The following CCDC92 variants were observed in gnomAD, a reference collection of about 807,000 sequenced individuals.
The protein encoded by CCDC92 is coiled-coil domain-containing protein 92.
Under a neutral mutation model 24.9 loss-of-function variants are expected in CCDC92, and 12 were observed. The ratio of observed to expected loss-of-function variants is 0.48; its 90% CI spans 0.31 to 0.78. The LOEUF is 0.78. Among genes scored for constraint, CCDC92 ranks in the 30% least tolerant of loss-of-function variants. CCDC92 has a pLI of 0.05. For missense variants in CCDC92, 399 were observed against 439.4 expected, an observed-to-expected ratio of 0.91 and a Z score of 0.82; for synonymous variants, 193 against 196.3, an observed-to-expected ratio of 0.98 and a Z score of 0.14.
chr12:123,943,277 C>A (rs1955743785), intron 3 of CCDC92, 70 bp downstream of exon 3: 3 of 1,551,334 alleles, frequency 1.9e-6, no homozygotes, highest in South Asian at 1.1e-5. Flanking sequence ...AGGCCTAGCA[C>A]ATTCTGACGC....
chr12:123,948,535 A>C (rs1264465502), intron 1 of CCDC92, among the ~76,000 whole-genome samples: 1 of 152,208 alleles, frequency 6.6e-6, no homozygotes, highest in Non-Finnish European at 1.5e-5. Context: ...TAACGCGCAG[A>C]GCTCCACAGT....
chr12:123,967,356 G>A (rs1956418029), intron 1 of CCDC92, among the ~76,000 whole-genome samples: 1 of 152,018 alleles, frequency 6.6e-6, no homozygotes, highest in Admixed American at 6.5e-5. Context: ...CTTATCTATG[G>A]GAACACAAAA....
At chr12:123,969,133 C>T (rs1327122319) in intron 1 of CCDC92, among the ~76,000 whole-genome samples, 2 of 152,156 alleles carry the variant, frequency 1.3e-5, no homozygotes, top group Admixed American at 6.5e-5. Context: ...ATAGATAAAT[C>T]CTTATTCCCA....
chr12:123,940,594 G>C (rs997143394), intron 4 of CCDC92, among the ~76,000 whole-genome samples: 1 of 152,166 alleles, frequency 6.6e-6, no homozygotes, highest in Non-Finnish European at 1.5e-5. Flanking sequence ...TTTATAGAAA[G>C]CTCCACTCCA....
intron 4 of CCDC92, among the ~76,000 whole-genome samples, chr12:123,941,291 G>C (rs1330305055): frequency 1.3e-5 from 2 of 152,150 alleles, no homozygotes; most frequent in East Asian, 3.9e-4. Context: ...GGAGGTCCCT[G>C]GTATCCCTCC....
At chr12:123,960,784 A>G (rs984851885) in intron 1 of CCDC92, 2 of 152,244 alleles carry the variant, frequency 1.3e-5, no homozygotes, top group Admixed American at 6.5e-5. Context: ...TAGAACTGCC[A>G]AATTTAAAAG....
At position 123,937,502 on chromosome 12, in the gene CCDC92, G is replaced by A. The variant is rs370137076; in HGVS notation, c.552C>T (p.Pro184=). Residue 184 remains proline (P), a synonymous_variant, in exon 5 of 5, where the codon CCC becomes CCT. Coordinates refer to ENST00000238156, the MANE Select transcript of CCDC92 (RefSeq NM_025140.3). This position sits in a 1 kb window ranked among gnomAD's most constrained non-coding sequence, Gnocchi z 8.4. ...GCGCTGGCTTGTAGCTGGCCAGCAC[G>A]GGGCTCCCTGACGGGCTGGCATCTG... ...GTSDASPSGS[P]VLASYKPAPP... The A allele has an allele frequency of 1.6e-5, 26 of 1,612,402 alleles. No homozygotes were observed. Among genetic ancestry groups the A allele is most frequent in the African/African-American group, 1.2e-4 (9 of 74,912 alleles).
At chr12:123,969,859 A>T (rs1025501312) in intron 1 of CCDC92, 19 of 152,076 alleles carry the variant, frequency 1.2e-4, no homozygotes, top group African/African-American at 4.3e-4. Flanking sequence ...AAACAGCTTT[A>T]AAAAAAGTCT....
intron 1 of CCDC92, among the ~76,000 whole-genome samples, chr12:123,959,299 C>T (rs983312881): frequency 1.3e-5 from 2 of 152,022 alleles, no homozygotes; most frequent in Non-Finnish European, 2.9e-5. Context: ...GCAGCCACAC[C>T]AAATGTCTGA....
At chr12:123,959,432 G>A (rs537090902) in intron 1 of CCDC92, among the ~76,000 whole-genome samples, 45 of 152,146 alleles carry the variant, frequency 3.0e-4, no homozygotes, top group African/African-American at 9.9e-4. Flanking sequence ...AGTCTCCTGA[G>A]TAGCTGGGAC....
chr12:123,944,687 C>G (rs976914367), intron 1 of CCDC92: 3 of 176,348 alleles, frequency 1.7e-5, no homozygotes, highest in African/African-American at 4.7e-5. Flanking sequence ...CACACGAAAA[C>G]ACTTCCTGGG....
chr12:123,951,002 G>C (rs1451687476), intron 1 of CCDC92, among the ~76,000 whole-genome samples: 2 of 152,102 alleles, frequency 1.3e-5, no homozygotes, highest in African/African-American at 4.8e-5. Context: ...TCAACACTCG[G>C]GTCCTCTAGC....
At chr12:123,940,223 AG>A (rs1440395260) in intron 4 of CCDC92, among the ~76,000 whole-genome samples, 1 of 152,236 alleles carries the variant, frequency 6.6e-6, no homozygotes, top group Non-Finnish European at 1.5e-5. Flanking sequence ...ATGAAGATGC[AG>A]GTTCAGAGAT....
rs921132755 is a variant in CCDC92 at position 123,959,210 on chromosome 12, T to C, written c.-60+13319A>G. Among the ~76,000 whole-genome samples the C allele has an allele frequency of 4.8e-4, 73 of 152,352 alleles. 1 individual carries two copies. The highest frequency in any genetic ancestry group is 2.3e-3 in the South Asian group (11 of 4,824). ...CACCTCATTAGGATGTGGGGGAAGATTGAGTTTATCTGAACAGATGCTGTC... is the reference window on the plus strand; with the variant it reads ...CACCTCATTAGGATGTGGGGGAAGACTGAGTTTATCTGAACAGATGCTGTC... On this transcript the variant is annotated intron_variant, in intron 1 of 4. Transcript: ENST00000238156.
Position 123,958,673 on chromosome 12 carries a change from G to A in CCDC92, c.-60+13856C>T, listed in dbSNP as rs114433451. Reference sequence around the variant, plus strand: ...TAATGCTGCTGCTGACCTCCCTGGCGTCACTGACTGTGGCAGGTCCCGCTG... The same window carrying A: ...TAATGCTGCTGCTGACCTCCCTGGCATCACTGACTGTGGCAGGTCCCGCTG... On this transcript the variant is annotated intron_variant, in intron 1 of 4. Transcript: ENST00000238156. 3.6e-3 allele frequency among the ~76,000 whole-genome samples: 554 copies of A among 152,306 alleles called. 3 individuals carry two copies. The highest frequency in any genetic ancestry group is 0.012 in the African/African-American group (502 of 41,558).
intron 1 of CCDC92, among the ~76,000 whole-genome samples, chr12:123,965,462 T>C (rs1296135980): frequency 6.6e-6 from 1 of 152,248 alleles, no homozygotes; most frequent in East Asian, 1.9e-4. Flanking sequence ...GTCTTGACTA[T>C]GGACAATTGT....
At chr12:123,955,973 G>C (rs1307490003) in intron 1 of CCDC92, among the ~76,000 whole-genome samples, 1 of 152,200 alleles carries the variant, frequency 6.6e-6, no homozygotes, top group East Asian at 1.9e-4. Flanking sequence ...TAAGAATTTA[G>C]CTATGCATCA....
intron 1 of CCDC92, chr12:123,956,172 G>T (rs1188263918): frequency 6.6e-6 from 1 of 152,142 alleles, no homozygotes; most frequent in Non-Finnish European, 1.5e-5. Flanking sequence ...ATACCTTCTG[G>T]TGATCAATAA....
Position 123,965,795 on chromosome 12 carries a change from G to A in CCDC92, c.-60+6734C>T, listed in dbSNP as rs183445961. Among the ~76,000 whole-genome samples the A allele has an allele frequency of 1.7e-3, 255 of 152,252 alleles. 1 individual carries two copies. Among genetic ancestry groups the A allele is most frequent in the Admixed American group, 0.015 (230 of 15,306 alleles). ...TACACACCAACAAGAAGGGATGCCA[G>A]GGAAAATCATATGTGGGTGGCATGC... On this transcript the variant is annotated intron_variant, in intron 1 of 4. Transcript: ENST00000238156.
Sources: allele counts gnomAD v4.1 joint callset (sites outside exome capture counted in the v4.1 genomes callset), GRCh38; gene constraint gnomAD v4.1.1; non-coding constraint Gnocchi (gnomAD v3.1); transcripts MANE v1.5; gene names NCBI Gene and HGNC (gene_info 2026-07-23, HGNC 2026-07-21).